CDH12: variants seen among roughly 807,000 people sequenced by gnomAD.
CDH12 encodes cadherin-12.
CDH12 carries 41 observed loss-of-function variants against 74.1 expected under a neutral mutation model. That is an observed-to-expected ratio of 0.55 (90% CI 0.43 to 0.72). The LOEUF (loss-of-function observed/expected upper bound fraction) is 0.72. CDH12 is among the 30% of genes least tolerant of loss of function. The pLI is 0.00. For missense variants in CDH12, 945 were observed against 977.2 expected (o/e 0.97, Z 0.44); for synonymous variants, 399 against 355.0 (o/e 1.12, Z -1.39).
chr5:22,087,613 C>G (rs901845057), intron 4 of CDH12, among the ~76,000 whole-genome samples: 3 of 151,880 alleles, frequency 2.0e-5, no homozygotes, highest in Non-Finnish European at 2.9e-5. Flanking sequence ...TGCACTCCAG[C>G]CTGGGTGACA....
rs551468052 is a variant in CDH12 at position 22,633,147 on chromosome 5, T to TA, written c.-522-127784dup. Among the ~76,000 whole-genome samples the TA allele has an allele frequency of 3.5e-3, 525 of 152,096 alleles. 4 individuals are homozygous for TA. The highest frequency in any genetic ancestry group is 0.012 in the African/African-American group (500 of 41,512). On this transcript the variant is annotated intron_variant, in intron 1 of 14. Transcript: ENST00000382254. ...AAAACAAATTAAGAAATTATTAAAT[T>TA]AAAAAAGAGAGTTCATTGCTAGTAG...
At chr5:22,126,719 T>G (rs192116408) in intron 4 of CDH12, among the ~76,000 whole-genome samples, 285 of 152,288 alleles carry the variant, frequency 1.9e-3, no homozygotes, top group African/African-American at 6.6e-3. Flanking sequence ...TTGCAGAGTC[T>G]CTCATCTATT....
At chr5:22,308,708 A>C (rs1407716749) in intron 3 of CDH12, among the ~76,000 whole-genome samples, 1 of 152,046 alleles carries the variant, frequency 6.6e-6, no homozygotes, top group African/African-American at 2.4e-5. Context: ...TCGACAAAGC[A>C]ATATTCCATG....
intron 2 of CDH12, among the ~76,000 whole-genome samples, chr5:22,407,995 C>T (rs1703314): frequency 0.043 from 6,506 of 152,048 alleles, 310 homozygotes; most frequent in East Asian, 0.12. Context: ...TGGGATGGTA[C>T]ATAGTAAGTT....
At chr5:22,055,001 T>TCAC (rs1244395110) in intron 5 of CDH12, among the ~76,000 whole-genome samples, 1 of 152,182 alleles carries the variant, frequency 6.6e-6, no homozygotes, top group African/African-American at 2.4e-5. Context: ...ACATCCAATG[T>TCAC]CACCCACTTT....
intron 6 of CDH12, among the ~76,000 whole-genome samples, chr5:21,964,399 A>C (rs1227358110): frequency 6.6e-6 from 1 of 151,974 alleles, no homozygotes; most frequent in East Asian, 1.9e-4. Context: ...AAAAGTTTGA[A>C]TCCAAATCTT....
intron 1 of CDH12, among the ~76,000 whole-genome samples, chr5:22,743,699 C>T (rs1745149598): frequency 6.6e-6 from 1 of 152,148 alleles, no homozygotes; most frequent in African/African-American, 2.4e-5. Flanking sequence ...TGCATATTAA[C>T]TTATTAAAGA....
chr5:22,017,242 A>C (rs979712653), intron 5 of CDH12, among the ~76,000 whole-genome samples: 1 of 152,108 alleles, frequency 6.6e-6, no homozygotes, highest in Non-Finnish European at 1.5e-5. Flanking sequence ...TTACAAAAAC[A>C]GCTCAAAAAG....
At chr5:21,764,855 C>G (rs1019610567) in intron 12 of CDH12, 123 bp downstream of exon 12, 6 of 903,610 alleles carry the variant, frequency 6.6e-6, no homozygotes, top group South Asian at 6.3e-5. Context: ...TTTATGGTTT[C>G]TTTTATGAAA....
intron 4 of CDH12, among the ~76,000 whole-genome samples, chr5:22,120,019 C>T (rs891466459): frequency 6.6e-6 from 1 of 152,050 alleles, no homozygotes; most frequent in East Asian, 1.9e-4. Flanking sequence ...ACAAACTTGC[C>T]TTGCTGCCTG....
At chr5:22,163,857 A>T (rs1748506413) in intron 4 of CDH12, among the ~76,000 whole-genome samples, 3 of 152,208 alleles carry the variant, frequency 2.0e-5, no homozygotes, top group Admixed American at 2.0e-4. Flanking sequence ...TCTCACTGTT[A>T]TGTCTCTTTC....
intron 3 of CDH12, among the ~76,000 whole-genome samples, chr5:22,227,154 G>A (rs1271894245): frequency 6.6e-6 from 1 of 152,060 alleles, no homozygotes; most frequent in Non-Finnish European, 1.5e-5. Flanking sequence ...CTTCCTAATT[G>A]CATGACACTG....
chr5:21,990,801 C>G (rs1757710379), intron 5 of CDH12, among the ~76,000 whole-genome samples: 1 of 151,706 alleles, frequency 6.6e-6, no homozygotes, highest in Non-Finnish European at 1.5e-5. Flanking sequence ...GGCAGGCTAA[C>G]TTGGCTCAAG....
At chr5:22,811,962 A>G (rs1749167777) in intron 1 of CDH12, among the ~76,000 whole-genome samples, 1 of 152,176 alleles carries the variant, frequency 6.6e-6, no homozygotes, top group South Asian at 2.1e-4. Context: ...TTCTGAAATA[A>G]CATGGCAGAG....
At chr5:22,170,955 A>C (rs1748986936) in intron 4 of CDH12, among the ~76,000 whole-genome samples, 1 of 151,948 alleles carries the variant, frequency 6.6e-6, no homozygotes, top group Admixed American at 6.6e-5. Context: ...GTGATCATCT[A>C]AAACCCAAAT....
intron 1 of CDH12, among the ~76,000 whole-genome samples, chr5:22,571,571 C>T (rs893850267): frequency 2.6e-5 from 4 of 152,234 alleles, no homozygotes; most frequent in African/African-American, 9.6e-5. Context: ...AGGTGTTCCA[C>T]CCGCCTTGGC....
chr5:22,211,381 TTA>T (rs1197087628), intron 4 of CDH12, among the ~76,000 whole-genome samples: 2 of 152,180 alleles, frequency 1.3e-5, no homozygotes, highest in African/African-American at 4.8e-5. Context: ...TTGAAAACTT[TTA>T]TGTCATACAA....
chr5:22,126,000 T>TG (rs70957092), intron 4 of CDH12, among the ~76,000 whole-genome samples: 71,581 of 130,100 alleles, frequency 0.55, 21,839 homozygotes, highest in Non-Finnish European at 0.68. Context: ...TCATTCATTT[T>TG]GGGGGGGGGA....
intron 8 of CDH12, among the ~76,000 whole-genome samples, chr5:21,817,435 C>T (rs1200749287): frequency 6.6e-6 from 1 of 151,836 alleles, no homozygotes; most frequent in African/African-American, 2.4e-5. Context: ...TACCACATAT[C>T]AAATGGGAGG....
Sources: gnomAD v4.1 joint callset for allele counts (sites outside exome capture counted in the v4.1 genomes callset) on GRCh38, gnomAD v4.1.1 for gene constraint, MANE v1.5 for transcripts, NCBI Gene and HGNC (gene_info 2026-07-23, HGNC 2026-07-21) for gene names.